The following ARL17A variants were observed in gnomAD, a reference collection of about 807,000 sequenced individuals.
ARL17A encodes ADP-ribosylation factor-like 17-like.
At chr17:46,558,633 C>T (rs2667911) in intron 3 of ARL17A, among the ~76,000 whole-genome samples, 1 of 127,174 alleles carries the variant, frequency 7.9e-6, no homozygotes, top group Non-Finnish European at 1.6e-5. Flanking sequence ...TCAAGTGATC[C>T]GCTCACCTTG....
At position 46,558,062 on chromosome 17, in the gene ARL17A, GTTTT is replaced by G. The variant is rs1219618738; in HGVS notation, c.260-436_260-433del. Among the ~76,000 whole-genome samples, 2 of 137,514 alleles carry G rather than the reference GTTTT, an allele frequency of 1.5e-5. 1 individual carries two copies. Among genetic ancestry groups the G allele is most frequent in the African/African-American group, 5.6e-5 (2 of 35,970 alleles). The allele number at this position is 137,514 out of a possible 152,430, so 90.2% of individuals were successfully genotyped here. On this transcript the variant is annotated intron_variant, in intron 3 of 3. Coordinates refer to ENST00000336125, the MANE Select transcript of ARL17A (RefSeq NM_001113738.2). ...ACAGGGAAATTCAGGAGTTTTGTTT[GTTTT>G]TTTTTCTTTTAAGGTGGAGTTTTGC...
chr17:46,532,390 T>C (rs1401065347), intron 4 of ARL17A, among the ~76,000 whole-genome samples: 1 of 150,344 alleles, frequency 6.7e-6, no homozygotes, highest in Admixed American at 6.6e-5. Context: ...TTGTGTGTGA[T>C]GTCTTTAGTT....
downstream of ARL17A, among the ~76,000 whole-genome samples, chr17:46,551,148 G>A (rs964721675): frequency 6.7e-6 from 1 of 149,624 alleles, no homozygotes; most frequent in Admixed American, 6.6e-5. Flanking sequence ...ACCATTTCTT[G>A]GACACCATGT....
downstream of ARL17A, among the ~76,000 whole-genome samples, chr17:46,526,202 C>G (rs1291160795): frequency 4.5e-5 from 5 of 110,228 alleles, no homozygotes; most frequent in Admixed American, 4.3e-4. Flanking sequence ...GTCAAATCTT[C>G]CTGGTAAACA....
At chr17:46,535,170 C>T (rs1219634693) in intron 4 of ARL17A, among the ~76,000 whole-genome samples, 1 of 149,204 alleles carries the variant, frequency 6.7e-6, no homozygotes, top group African/African-American at 2.6e-5. Context: ...ACTGGGAGTA[C>T]AGGTGTGAGC....
At chr17:46,532,240 G>A (rs1364736276) in intron 4 of ARL17A, among the ~76,000 whole-genome samples, 2 of 148,720 alleles carry the variant, frequency 1.3e-5, no homozygotes, top group Non-Finnish European at 2.9e-5. Flanking sequence ...AACAATTGTA[G>A]TGAAACCATA....
intron 3 of ARL17A, among the ~76,000 whole-genome samples, chr17:46,521,814 C>T (rs2144935179): frequency 2.4e-5 from 1 of 42,312 alleles, no homozygotes; most frequent in Admixed American, 2.3e-4. Context: ...GCCATGAGTA[C>T]CCGTAGAGTA....
chr17:46,533,333 C>T (rs1598398227), intron 4 of ARL17A, among the ~76,000 whole-genome samples: 1 of 82,476 alleles, frequency 1.2e-5, no homozygotes, highest in East Asian at 3.4e-4. Flanking sequence ...CGTTGTAGTT[C>T]AGATTAATTC....
the ARL17A span, among the ~76,000 whole-genome samples, chr17:46,505,122 T>A: frequency 1.1e-5 from 1 of 89,660 alleles, no homozygotes; most frequent in Non-Finnish European, 2.1e-5. Flanking sequence ...TTAGTAGAGA[T>A]GGGGTTTCAC....
In ARL17A at chr17:46,533,496, C is replaced by T. The variant is rs1181040963; in HGVS notation, c.336-4637G>A. ...TATTGCATTATGTAAGTATCTTTTT[C>T]TTTTTTTTTTTTTTCTTTATTTTGG... On this transcript the variant is annotated intron_variant, in intron 4 of 4. Transcript: ENST00000329240. Among the ~76,000 whole-genome samples the T allele has an allele frequency of 5.1e-4, 72 of 141,562 alleles. 4 individuals are homozygous for T. In the East Asian group the frequency reaches 0.014, roughly 27 times the overall value. The allele number at this position is 141,562 out of a possible 152,430, so 92.9% of individuals were successfully genotyped here.
In ARL17A at chr17:46,545,227, T is replaced by C. The variant is rs1445397698; in HGVS notation, c.260-6801A>G. On this transcript the variant is annotated intron_variant, in intron 3 of 4. Coordinates refer to the ARL17A transcript ENST00000329240. ...TGGGAGGATTGCTTGAGCCCAGGAGTTCTACACCAGCCTGAGCAACATGGG... is the reference window on the plus strand; with the variant it reads ...TGGGAGGATTGCTTGAGCCCAGGAGCTCTACACCAGCCTGAGCAACATGGG... Among the ~76,000 whole-genome samples the C allele has an allele frequency of 2.2e-3, 295 of 136,268 alleles. 11 individuals are homozygous for C. Among genetic ancestry groups the C allele is most frequent in the African/African-American group, 9.0e-3 (287 of 31,956 alleles). 89.4% of individuals were successfully genotyped at this position (136,268 alleles called of 152,430 possible). A position where few individuals can be genotyped will look rare whatever the true frequency, so the allele number is the denominator to read the frequency against.
At chr17:46,543,654 AG>A (rs1441008285) in intron 3 of ARL17A, among the ~76,000 whole-genome samples, 2 of 150,930 alleles carry the variant, frequency 1.3e-5, no homozygotes, top group Non-Finnish European at 2.9e-5. Flanking sequence ...GGTTTTGTCC[AG>A]AAAATGTATA....
chr17:46,548,175 G>T, downstream of ARL17A: 2 of 220,372 alleles, frequency 9.1e-6, no homozygotes, highest in African/African-American at 2.1e-4. Context: ...TTAGGATTGG[G>T]TGTGTGTTTC....
chr17:46,558,857 T>G (rs1291005864), intron 3 of ARL17A: 2 of 130,388 alleles, frequency 1.5e-5, no homozygotes, highest in African/African-American at 6.0e-5. Flanking sequence ...TTTTTTTTTT[T>G]TTTCAGAGAC....
At chr17:46,545,608 T>G (rs2145715689) in intron 3 of ARL17A, among the ~76,000 whole-genome samples, 1 of 128,168 alleles carries the variant, frequency 7.8e-6, no homozygotes, top group African/African-American at 3.7e-5. Context: ...GGTTGCAAAG[T>G]GACACTTTTA....
chr17:46,551,156 T>C (rs1418910450), downstream of ARL17A, among the ~76,000 whole-genome samples: 1 of 149,586 alleles, frequency 6.7e-6, no homozygotes, highest in Non-Finnish European at 1.5e-5. Context: ...TTGGACACCA[T>C]GTGAGACATT....
chr17:46,526,432 G>C (rs1373359782), downstream of ARL17A, among the ~76,000 whole-genome samples: 1 of 103,062 alleles, frequency 9.7e-6, no homozygotes, highest in Non-Finnish European at 2.1e-5. Context: ...ATGATGAATA[G>C]AGCCTAACCT....
At chr17:46,543,372 C>T (rs1397392094) in intron 3 of ARL17A, among the ~76,000 whole-genome samples, 39 of 150,726 alleles carry the variant, frequency 2.6e-4, no homozygotes, top group Non-Finnish European at 4.9e-4. Context: ...TAAAACAATC[C>T]TGGGAACAGT....
intron 4 of ARL17A, among the ~76,000 whole-genome samples, chr17:46,535,015 G>A (rs1400094835): frequency 6.7e-6 from 1 of 150,028 alleles, no homozygotes; most frequent in Non-Finnish European, 1.5e-5. Context: ...CAGGGTCGCG[G>A]CCGGGCAGAG....
Sources: allele counts gnomAD v4.1 joint callset (sites outside exome capture counted in the v4.1 genomes callset), GRCh38; gene constraint gnomAD v4.1.1; transcripts MANE v1.5; gene names NCBI Gene and HGNC (gene_info 2026-07-23, HGNC 2026-07-21).